Variants in SLC24A4 observed in about 807,000 individuals in gnomAD.
SLC24A4 encodes sodium/potassium/calcium exchanger 4.
In SLC24A4, 53 loss-of-function variants were observed where a neutral mutation model predicts 79.0. The observed-to-expected ratio is 0.67, with a 90% CI of 0.54 to 0.84. The LOEUF (loss-of-function observed/expected upper bound fraction) is 0.84, where lower values mean the gene tolerates loss of function less well. SLC24A4 is among the 40% of genes least tolerant of loss of function. The probability of loss-of-function intolerance (pLI) is 0.00; values close to 1 mark genes in which losing one functional copy is unlikely to be tolerated. For missense variants in SLC24A4, 731 were observed against 822.0 expected, an observed-to-expected ratio of 0.89 and a Z score of 1.35; for synonymous variants, 323 against 323.8, an observed-to-expected ratio of 1.00 and a Z score of 0.03.
intron 2 of SLC24A4, among the ~76,000 whole-genome samples, chr14:92,382,598 T>C (rs1888917819): frequency 6.6e-6 from 1 of 152,184 alleles, no homozygotes; most frequent in African/African-American, 2.4e-5. Flanking sequence ...ATGAGGTCGG[T>C]AGAAGCAGAA....
At chr14:92,354,986 A>G (rs536497288) in intron 2 of SLC24A4, among the ~76,000 whole-genome samples, 15 of 152,338 alleles carry the variant, frequency 9.8e-5, no homozygotes, top group African/African-American at 3.1e-4. Context: ...AGGCAGGAGA[A>G]TCGCTTGAAC....
At chr14:92,367,502 C>A (rs74072677) in intron 2 of SLC24A4, among the ~76,000 whole-genome samples, 2,547 of 152,288 alleles carry the variant, frequency 0.017, 76 homozygotes, top group African/African-American at 0.059. Context: ...GGTTGGTCTC[C>A]GGCCTACCTG....
chr14:92,411,122 A>T (rs1023039054), intron 2 of SLC24A4, among the ~76,000 whole-genome samples: 7 of 152,160 alleles, frequency 4.6e-5, no homozygotes, highest in African/African-American at 1.7e-4. Context: ...GAGTACAGGC[A>T]TTTGGTGAGG....
At chr14:92,461,668 A>G (rs149945467) in intron 12 of SLC24A4, among the ~76,000 whole-genome samples, 2 of 152,302 alleles carry the variant, frequency 1.3e-5, no homozygotes, top group African/African-American at 4.8e-5. Flanking sequence ...ATCTCCAAAT[A>G]CAGTTACATT....
chr14:92,444,910 A>G (rs1378078026), intron 7 of SLC24A4, among the ~76,000 whole-genome samples: 3 of 146,554 alleles, frequency 2.0e-5, no homozygotes, highest in Non-Finnish European at 4.5e-5. Flanking sequence ...ATATACACAC[A>G]CACACCCTAT....
intron 2 of SLC24A4, among the ~76,000 whole-genome samples, chr14:92,333,653 G>C (rs1369021915): frequency 6.6e-6 from 1 of 152,208 alleles, no homozygotes. Context: ...GCTGATGCAG[G>C]CTGCTAAGGA....
chr14:92,418,741 C>T (rs531327579), intron 2 of SLC24A4, among the ~76,000 whole-genome samples: 1 of 151,956 alleles, frequency 6.6e-6, no homozygotes, highest in Non-Finnish European at 1.5e-5. Context: ...TCACTCTATC[C>T]CCCAGGCTGG....
chr14:92,493,653 T>C lies in SLC24A4; in HGVS notation c.*25T>C, dbSNP rs1255950963. The C allele has an allele frequency of 3.7e-6, 6 of 1,612,488 alleles. No individual in the cohort carries two copies. Among genetic ancestry groups the C allele is most frequent in the Non-Finnish European group, 5.1e-6 (6 of 1,179,196 alleles). On this transcript the variant is annotated 3_prime_UTR_variant, in exon 17 of 17. Transcript: ENST00000532405. Reference sequence around the variant, plus strand: ...GCGCTGAGTCGCGGCCCCTGGGAGCTGATCTGGACACCCTGTGACACTGGC... The same window carrying C: ...GCGCTGAGTCGCGGCCCCTGGGAGCCGATCTGGACACCCTGTGACACTGGC...
intron 2 of SLC24A4, among the ~76,000 whole-genome samples, chr14:92,418,061 C>A (rs1374606571): frequency 1.3e-5 from 2 of 152,216 alleles, no homozygotes; most frequent in Non-Finnish European, 2.9e-5. Context: ...AGGGAGATCA[C>A]CCTGTGTCCT....
chr14:92,453,546 T>G, intron 10 of SLC24A4: 1 of 185,300 alleles, frequency 5.4e-6, no homozygotes, highest in Non-Finnish European at 1.1e-5. Context: ...GGCCCCCGTG[T>G]GTATTGTAGG....
chr14:92,474,549 A>T (rs1894605996), intron 12 of SLC24A4, among the ~76,000 whole-genome samples: 1 of 151,164 alleles, frequency 6.6e-6, no homozygotes, highest in Non-Finnish European at 1.5e-5. Flanking sequence ...CAATGGTGTG[A>T]TCTCTGCTCA....
At chr14:92,352,851 ATC>A (rs1886970091) in intron 2 of SLC24A4, among the ~76,000 whole-genome samples, 1 of 152,192 alleles carries the variant, frequency 6.6e-6, no homozygotes, top group Admixed American at 6.5e-5. Flanking sequence ...TTCTGAGTTA[ATC>A]AAACAGGAAA....
chr14:92,389,704 C>A (rs1021815199), intron 2 of SLC24A4, among the ~76,000 whole-genome samples: 3 of 152,222 alleles, frequency 2.0e-5, no homozygotes, highest in African/African-American at 7.2e-5. Context: ...AAAGCCACAT[C>A]CCCTGTGCTA....
chr14:92,469,236 C>T (rs767045434), intron 12 of SLC24A4, among the ~76,000 whole-genome samples: 8 of 152,106 alleles, frequency 5.3e-5, no homozygotes, highest in Non-Finnish European at 1.0e-4. Context: ...AGGCCAGGCG[C>T]GGTGGCTCAC....
At chr14:92,372,136 G>C (rs1484978609) in intron 2 of SLC24A4, among the ~76,000 whole-genome samples, 1 of 152,240 alleles carries the variant, frequency 6.6e-6, no homozygotes, top group African/African-American at 2.4e-5. Context: ...ATTTTGAAGG[G>C]GTTGTTGGGA....
At chr14:92,453,792 A>G (rs1264832673) in intron 10 of SLC24A4, 108 bp from the exon 11 acceptor site, 7 of 1,282,982 alleles carry the variant, frequency 5.5e-6, no homozygotes, top group Non-Finnish European at 6.3e-6. Flanking sequence ...GCCAGCTGCC[A>G]GGACCACAGC....
rs562370744 is a variant in SLC24A4, at chr14:92,399,909, G to A, written c.242-34003G>A. 4.9e-4 allele frequency among the ~76,000 whole-genome samples: 74 copies of A among 152,134 alleles called. 2 individuals carry two copies. In the South Asian group the frequency reaches 0.015, roughly 30 times the overall value. On this transcript the variant is annotated intron_variant, in intron 2 of 16. Transcript: ENST00000532405. Reference sequence around the variant, plus strand: ...TGGGATACAGTTTTTGTTTCTTGGGGGGTTTTTTGAGACAGAGTTTTACTC... The same window carrying A: ...TGGGATACAGTTTTTGTTTCTTGGGAGGTTTTTTGAGACAGAGTTTTACTC...
intron 2 of SLC24A4, among the ~76,000 whole-genome samples, chr14:92,392,714 T>A (rs1220006017): frequency 6.6e-6 from 1 of 152,170 alleles, no homozygotes; most frequent in Non-Finnish European, 1.5e-5. Context: ...GTGTTGAGAG[T>A]GGGGCCTTTG....
At chr14:92,467,286 G>A (rs1234451272) in intron 12 of SLC24A4, among the ~76,000 whole-genome samples, 1 of 152,196 alleles carries the variant, frequency 6.6e-6, no homozygotes, top group East Asian at 1.9e-4. Context: ...CACATTATTA[G>A]AGTAAAGGAT....
Sources: gnomAD v4.1 joint callset for allele counts (sites outside exome capture counted in the v4.1 genomes callset) on GRCh38, gnomAD v4.1.1 for gene constraint, MANE v1.5 for transcripts, NCBI Gene and HGNC (gene_info 2026-07-23, HGNC 2026-07-21) for gene names.